Variants in MAP3K7CL observed in about 807,000 individuals in gnomAD.
MAP3K7CL encodes MAP3K7 C-terminal-like protein.
Under a neutral mutation model 18.6 loss-of-function variants are expected in MAP3K7CL, and 16 were observed. The ratio of observed to expected loss-of-function variants is 0.86; its 90% confidence interval spans 0.58 to 1.31. The LOEUF (loss-of-function observed/expected upper bound fraction) is 1.31. Among genes scored for constraint, MAP3K7CL ranks in the 50% most tolerant of loss-of-function variants. The probability of loss-of-function intolerance (pLI) is 0.00; values close to 1 mark genes in which losing one functional copy is unlikely to be tolerated. For missense variants in MAP3K7CL, 163 were observed against 174.4 expected (o/e 0.93, Z 0.37); for synonymous variants, 65 against 66.8 (o/e 0.97, Z 0.13).
chr21:29,096,265 G>A (rs1260980490), intron 4 of MAP3K7CL, among the ~76,000 whole-genome samples: 2 of 152,186 alleles, frequency 1.3e-5, no homozygotes, highest in South Asian at 2.1e-4. Flanking sequence ...CCTTAGGTGC[G>A]TACTTTGGGC....
rs185466819 is a variant in MAP3K7CL at position 29,123,438 on chromosome 21, C to T, written c.371-25751C>T. Among the ~76,000 whole-genome samples, 86 of 152,096 alleles carry T rather than the reference C, an allele frequency of 5.7e-4. 1 individual carries two copies. The highest frequency in any genetic ancestry group is 1.9e-3 in the African/African-American group (79 of 41,492). On this transcript the variant is annotated intron_variant, in intron 4 of 6. Transcript: ENST00000286791. ...AAAGAAAGTCACATCTGAATCTGACCGAGTTTCTAGATCCAATGGCTAATT... is the reference window on the plus strand; with the variant it reads ...AAAGAAAGTCACATCTGAATCTGACTGAGTTTCTAGATCCAATGGCTAATT...
At chr21:29,107,929 T>C (rs1372712540) in intron 4 of MAP3K7CL, among the ~76,000 whole-genome samples, 1 of 152,246 alleles carries the variant, frequency 6.6e-6, no homozygotes, top group Non-Finnish European at 1.5e-5. Context: ...ATCTCTCTTT[T>C]TGTATATGAG....
At chr21:29,149,117 C>A in intron 2 of MAP3K7CL, 72 bp from the exon 3 acceptor site, 1 of 1,227,270 alleles carries the variant, frequency 8.1e-7, no homozygotes, top group Non-Finnish European at 1.2e-6. Flanking sequence ...GATGGTCTAA[C>A]TCTGGGGGAG....
At chr21:29,137,900 C>T (rs755817476) in intron 2 of MAP3K7CL, among the ~76,000 whole-genome samples, 7 of 152,042 alleles carry the variant, frequency 4.6e-5, no homozygotes, top group Middle Eastern at 3.4e-3. Context: ...AAAAATTTGG[C>T]GGAATAGTCT....
upstream of MAP3K7CL, among the ~76,000 whole-genome samples, chr21:29,127,313 T>C: frequency 6.6e-6 from 1 of 152,238 alleles, no homozygotes; most frequent in Non-Finnish European, 1.5e-5. Flanking sequence ...AATTATACAT[T>C]ATTGCCACCA....
At chr21:29,149,289 G>T in intron 3 of MAP3K7CL, 39 bp downstream of exon 3, 1 of 1,572,348 alleles carries the variant, frequency 6.4e-7, no homozygotes, top group Non-Finnish European at 8.8e-7. Context: ...TTCCTCCTTA[G>T]TGTCATAAAG....
At position 29,109,070 on chromosome 21, in the gene MAP3K7CL, C is replaced by G. The variant is rs141750015; in HGVS notation, c.370+16489C>G. 22 of 1,535,036 alleles carry G rather than the reference C, an allele frequency of 1.4e-5. No homozygotes were observed. The East Asian group carries it at 4.6e-4, about 32-fold the overall frequency. ...CATTCGTAACCTTCCTGGATCCTAT[C>G]AGAGAAACCTTGTTCATCATTTCAT... is the stretch of plus-strand genomic sequence containing the variant. On this transcript the variant is annotated intron_variant, in intron 4 of 6. Transcript: ENST00000286791.
upstream of MAP3K7CL, among the ~76,000 whole-genome samples, chr21:29,128,800 T>A (rs117089509): frequency 0.029 from 4,479 of 152,298 alleles, 101 homozygotes; most frequent in Middle Eastern, 0.099. Flanking sequence ...TTGTATAGGA[T>A]CTTCTGGAAG....
At chr21:29,103,368 G>T (rs2086265743) in intron 4 of MAP3K7CL, among the ~76,000 whole-genome samples, 1 of 151,818 alleles carries the variant, frequency 6.6e-6, no homozygotes, top group African/African-American at 2.4e-5. Flanking sequence ...GAGGCAGGAG[G>T]ATCACAGGAG....
chr21:29,161,136 C>T (rs554072653), intron 4 of MAP3K7CL, among the ~76,000 whole-genome samples: 1 of 152,214 alleles, frequency 6.6e-6, no homozygotes, highest in East Asian at 1.9e-4. Flanking sequence ...ATGGTGAAAC[C>T]CTGTCTCTAC....
intron 4 of MAP3K7CL, among the ~76,000 whole-genome samples, chr21:29,112,276 G>A (rs576859675): frequency 2.0e-5 from 3 of 152,166 alleles, no homozygotes; most frequent in East Asian, 1.9e-4. Flanking sequence ...CCAGCCTGGC[G>A]ACAGAGCAAG....
At chr21:29,086,253 G>T (rs1232239803) in intron 1 of MAP3K7CL, among the ~76,000 whole-genome samples, 4 of 152,180 alleles carry the variant, frequency 2.6e-5, no homozygotes, top group Admixed American at 6.5e-5. Flanking sequence ...GTGGAGTAAG[G>T]ACTGCTTTAT....
intron 2 of MAP3K7CL, among the ~76,000 whole-genome samples, chr21:29,146,820 A>T (rs1015873028): frequency 4.6e-5 from 7 of 152,236 alleles, no homozygotes; most frequent in Non-Finnish European, 7.3e-5. Flanking sequence ...CTATTAAGTG[A>T]TATGACCCTT....
intron 1 of MAP3K7CL, 44 bp from the exon 2 acceptor site, chr21:29,133,262 A>G: frequency 6.9e-7 from 1 of 1,446,554 alleles, no homozygotes; most frequent in Non-Finnish European, 9.5e-7. Flanking sequence ...ATTTAGGGGG[A>G]TGATGCTGGA....
At chr21:29,110,086 C>G (rs940751724) in intron 4 of MAP3K7CL, among the ~76,000 whole-genome samples, 1 of 152,116 alleles carries the variant, frequency 6.6e-6, no homozygotes. Context: ...TTTCTTCAAG[C>G]CTTGTATAAC....
chr21:29,098,056 T>C (rs961947110), intron 4 of MAP3K7CL, among the ~76,000 whole-genome samples: 5 of 152,210 alleles, frequency 3.3e-5, no homozygotes, highest in South Asian at 2.1e-4. Context: ...TTTAGTTTCT[T>C]GGTCATGCTA....
chr21:29,085,873 AT>A lies in MAP3K7CL; in HGVS notation c.15del (p.Ile5MetfsTer4), dbSNP rs1411179385. The A allele has an allele frequency of 6.2e-7, 1 of 1,614,032 alleles. No individual in the cohort carries two copies. The highest frequency in any genetic ancestry group is 1.3e-5 in the African/African-American group (1 of 74,918). ...GCAAAGCGACTAGATGGTTCAGCTG[AT>A]TGCACCTTTAGAAGTTATGTGGAAC... is the stretch of plus-strand genomic sequence containing the variant. On this transcript the variant is annotated frameshift_variant, in exon 1 of 7. Coordinates refer to the MAP3K7CL transcript ENST00000286791. LOFTEE classifies it high-confidence loss of function.
chr21:29,140,119 T>C (rs2086973937), intron 2 of MAP3K7CL, among the ~76,000 whole-genome samples: 1 of 152,136 alleles, frequency 6.6e-6, no homozygotes. Flanking sequence ...CACAAGTGCC[T>C]TAAGGGCATG....
chr21:29,133,177 G>A, intron 1 of MAP3K7CL, 129 bp from the exon 2 acceptor site: 1 of 547,142 alleles, frequency 1.8e-6, no homozygotes, highest in Non-Finnish European at 3.1e-6. Flanking sequence ...TCAAAACTAG[G>A]AGTATCTTTA....
Sources: gnomAD v4.1 joint callset for allele counts (sites outside exome capture counted in the v4.1 genomes callset) on GRCh38, gnomAD v4.1.1 for gene constraint, MANE v1.5 for transcripts, NCBI Gene and HGNC (gene_info 2026-07-23, HGNC 2026-07-21) for gene names.